Variants in PPARGC1A observed in about 807,000 individuals in gnomAD.
The protein encoded by PPARGC1A is peroxisome proliferator-activated receptor gamma coactivator 1-alpha.
Under a neutral mutation model 88.7 loss-of-function variants are expected in PPARGC1A, and 25 were observed. That is an observed-to-expected ratio of 0.28 (90% confidence interval 0.21 to 0.39). PPARGC1A has a LOEUF of 0.39. Among genes scored for constraint, PPARGC1A ranks in the 10% least tolerant of loss-of-function variants. The pLI is 1.00. For missense variants in PPARGC1A, 880 were observed against 968.7 expected, an observed-to-expected ratio of 0.91 and a Z score of 1.22; for synonymous variants, 363 against 355.6, an observed-to-expected ratio of 1.02 and a Z score of -0.24.
At chr4:24,231,948 C>T in the PPARGC1A span, among the ~76,000 whole-genome samples, 1 of 152,040 alleles carries the variant, frequency 6.6e-6, no homozygotes, top group Non-Finnish European at 1.5e-5. Context: ...TGTTTTTTCC[C>T]ATTTTCCCTT....
the PPARGC1A span, among the ~76,000 whole-genome samples, chr4:24,211,891 C>T: frequency 2.6e-5 from 4 of 152,132 alleles, no homozygotes; most frequent in Non-Finnish European, 5.9e-5. Context: ...CTCCACGATG[C>T]TATTTCCTAC....
chr4:23,962,476 C>G, the PPARGC1A span, among the ~76,000 whole-genome samples: 3 of 152,168 alleles, frequency 2.0e-5, no homozygotes, highest in African/African-American at 2.4e-5. Flanking sequence ...CCACTCGAGT[C>G]TACCATCTCT....
At chr4:24,212,617 A>G in the PPARGC1A span, among the ~76,000 whole-genome samples, 1 of 152,234 alleles carries the variant, frequency 6.6e-6, no homozygotes, top group African/African-American at 2.4e-5. Flanking sequence ...ATCAACAGTA[A>G]AAAGGCTTAT....
the PPARGC1A span, among the ~76,000 whole-genome samples, chr4:24,217,915 G>A: frequency 6.6e-6 from 1 of 152,122 alleles, no homozygotes; most frequent in Admixed American, 6.5e-5. Context: ...TTTAGCTAAG[G>A]TGTAGTCTTC....
intron 2 of PPARGC1A, chr4:23,866,269 T>C (rs1711971125): frequency 6.6e-6 from 1 of 152,184 alleles, no homozygotes; most frequent in Non-Finnish European, 1.5e-5. Context: ...AATAAAGCCC[T>C]AGAAACATTT....
chr4:24,395,516 G>A, the PPARGC1A span, among the ~76,000 whole-genome samples: 1 of 152,190 alleles, frequency 6.6e-6, no homozygotes, highest in Non-Finnish European at 1.5e-5. Flanking sequence ...GAGATTTTCT[G>A]TTCCAAGGCT....
chr4:24,258,675 C>T, the PPARGC1A span, among the ~76,000 whole-genome samples: 1 of 152,156 alleles, frequency 6.6e-6, no homozygotes, highest in Non-Finnish European at 1.5e-5. Context: ...AATAATGTTA[C>T]TACTGTTCAG....
At chr4:24,067,484 C>T in the PPARGC1A span, among the ~76,000 whole-genome samples, 2 of 152,224 alleles carry the variant, frequency 1.3e-5, no homozygotes, top group African/African-American at 2.4e-5. Flanking sequence ...GGTATCATTC[C>T]GCGTATGCTC....
chr4:24,122,430 TATATATAG>T, the PPARGC1A span, among the ~76,000 whole-genome samples: 70 of 140,614 alleles, frequency 5.0e-4, no homozygotes, highest in African/African-American at 1.6e-3. Flanking sequence ...TATATATATA[TATATATAG>T]AGAGAGAGAG....
chr4:24,020,276 G>A, the PPARGC1A span, among the ~76,000 whole-genome samples: 1 of 152,150 alleles, frequency 6.6e-6, no homozygotes, highest in Non-Finnish European at 1.5e-5. Flanking sequence ...TCCTGTCAAT[G>A]GCTTAAAAAT....
chr4:23,811,611 C>T (rs1720902899), intron 10 of PPARGC1A, among the ~76,000 whole-genome samples: 1 of 152,114 alleles, frequency 6.6e-6, no homozygotes, highest in Non-Finnish European at 1.5e-5. Context: ...TTTTGCCATC[C>T]AAAGTCTAGG....
At chr4:24,099,913 A>G in the PPARGC1A span, among the ~76,000 whole-genome samples, 1 of 142,938 alleles carries the variant, frequency 7.0e-6, no homozygotes, top group East Asian at 2.1e-4. Flanking sequence ...CTTGTTAGAA[A>G]TGAACAATGA....
the PPARGC1A span, among the ~76,000 whole-genome samples, chr4:24,356,214 AAAAG>A: frequency 6.7e-6 from 1 of 148,812 alleles, no homozygotes; most frequent in Non-Finnish European, 1.5e-5. Context: ...AAAAAAAAAA[AAAAG>A]AGAGAGAGGG....
At chr4:23,958,963 C>T in the PPARGC1A span, among the ~76,000 whole-genome samples, 1 of 149,298 alleles carries the variant, frequency 6.7e-6, no homozygotes, top group African/African-American at 2.5e-5. Context: ...TATCCTAGAA[C>T]TTGAGTATGC....
the PPARGC1A span, among the ~76,000 whole-genome samples, chr4:23,925,173 C>A: frequency 6.6e-6 from 1 of 152,048 alleles, no homozygotes; most frequent in African/African-American, 2.4e-5. Flanking sequence ...TTTTACTGAC[C>A]CATTGTCGAC....
At chr4:24,335,632 C>A in the PPARGC1A span, among the ~76,000 whole-genome samples, 2 of 152,152 alleles carry the variant, frequency 1.3e-5, no homozygotes, top group Non-Finnish European at 2.9e-5. Flanking sequence ...TTTCTGAATC[C>A]TATTCCTCAG....
chr4:24,101,816 G>T, the PPARGC1A span, among the ~76,000 whole-genome samples: 1 of 152,168 alleles, frequency 6.6e-6, no homozygotes, highest in Non-Finnish European at 1.5e-5. Flanking sequence ...TACGTTCATG[G>T]ATTCGAAAAG....
the PPARGC1A span, among the ~76,000 whole-genome samples, chr4:24,002,097 C>CAGAGAGAG: frequency 2.8e-3 from 351 of 125,362 alleles, 6 homozygotes; most frequent in East Asian, 4.3e-3. Flanking sequence ...CACACACACA[C>CAGAGAGAG]AGAGAGAGAG....
chr4:24,331,033 G>A, the PPARGC1A span, among the ~76,000 whole-genome samples: 1 of 152,096 alleles, frequency 6.6e-6, no homozygotes, highest in Non-Finnish European at 1.5e-5. Context: ...TAGGCATCTA[G>A]CCTTACCATT....
Sources: allele counts gnomAD v4.1 joint callset (sites outside exome capture counted in the v4.1 genomes callset), GRCh38; gene constraint gnomAD v4.1.1; transcripts MANE v1.5; gene names NCBI Gene and HGNC (gene_info 2026-07-23, HGNC 2026-07-21).